Variants in SEC16A observed in about 807,000 individuals in gnomAD.
SEC16A encodes the protein SEC16 homolog A, endoplasmic reticulum export factor, also known as protein transport protein Sec16A.
A neutral mutation model predicts 221.9 loss-of-function variants in SEC16A; 110 were observed. The observed-to-expected ratio is 0.50, with a 90% CI of 0.42 to 0.58. The LOEUF is 0.58. Among genes scored for constraint, SEC16A ranks in the 20% least tolerant of loss-of-function variants. The pLI, the probability that SEC16A is intolerant of heterozygous loss-of-function variation, is 0.00. For missense variants in SEC16A, 3,165 were observed against 3,097.8 expected, an observed-to-expected ratio of 1.02 and a Z score of -0.52; for synonymous variants, 1,393 against 1,257.7, an observed-to-expected ratio of 1.11 and a Z score of -2.28.
intron 31 of SEC16A, among the ~76,000 whole-genome samples, chr9:136,442,247 G>A (rs1002242260): frequency 6.6e-6 from 1 of 152,262 alleles, no homozygotes; most frequent in African/African-American, 2.4e-5. Context: ...GCCTCATGGA[G>A]GGGAAAGCCA....
Position 136,447,998 on chromosome 9 carries a change from G to A in SEC16A, c.6390+86C>T, listed in dbSNP as rs555519768. The stretch of plus-strand genomic sequence containing the variant: ...TAATGATGACACTTCAAAACTTCAG[G>A]AAACACCTACTCAGGTCTGCTCTGA... On this transcript the variant is annotated intron_variant, in intron 24 of 31. Coordinates refer to ENST00000684901, the MANE Select transcript of SEC16A (RefSeq NM_014866.2). The surrounding 1 kb of genome is among the most constrained non-coding windows in gnomAD (Gnocchi z 5.5). The A allele has an allele frequency of 2.4e-4, 368 of 1,518,642 alleles. 2 individuals carry two copies. In the African/African-American group the frequency reaches 4.6e-3, roughly 19 times the overall value. 94.1% of individuals were successfully genotyped at this position (1,518,642 alleles called of 1,614,324 possible). A position where few individuals can be genotyped will look rare whatever the true frequency, so the allele number is the denominator to read the frequency against.
Position 136,477,656 on chromosome 9 carries a change from A to G in SEC16A, c.-41T>C. The G allele has an allele frequency of 6.6e-7, 1 of 1,519,230 alleles. No individual in the cohort carries two copies. The highest frequency in any genetic ancestry group is 8.8e-7 in the Non-Finnish European group (1 of 1,137,678). 94.1% of individuals were successfully genotyped at this position (1,519,230 alleles called of 1,614,324 possible). A position where few individuals can be genotyped will look rare whatever the true frequency, so the allele number is the denominator to read the frequency against. On this transcript the variant is annotated 5_prime_UTR_variant, in exon 3 of 32. Transcript: ENST00000684901. Reference sequence around the variant, plus strand: ...CAAGTCGATGCTGCTTACAGAAGGAAGCAGGATATAGCTGTTCCTTAATTG... The same window carrying G: ...CAAGTCGATGCTGCTTACAGAAGGAGGCAGGATATAGCTGTTCCTTAATTG...
At chr9:136,458,073 C>G (rs1049211114) in intron 17 of SEC16A, among the ~76,000 whole-genome samples, 2 of 152,106 alleles carry the variant, frequency 1.3e-5, no homozygotes, top group Non-Finnish European at 2.9e-5. Flanking sequence ...CCTCCCACCT[C>G]AGCCTCCGAG....
chr9:136,477,763 A>G, intron 2 of SEC16A, 79 bp from the exon 3 acceptor site: 1 of 1,330,812 alleles, frequency 7.5e-7, no homozygotes, highest in Non-Finnish European at 9.9e-7. Flanking sequence ...CTAAGGAAAA[A>G]GAGAAACATT....
rs945818075 is a variant in SEC16A, at chr9:136,455,467, G to A, written c.5857+134C>T. ...GAGACCGAGGAGCCCCACAACCACCGAGGTGGTGTGAGACACTGCCTCCAA... is the reference window on the plus strand; with the variant it reads ...GAGACCGAGGAGCCCCACAACCACCAAGGTGGTGTGAGACACTGCCTCCAA... On this transcript the variant is annotated intron_variant, in intron 20 of 31. Transcript: ENST00000684901. 388 of 807,498 alleles carry A rather than the reference G, an allele frequency of 4.8e-4. 2 individuals are homozygous for A. The highest frequency in any genetic ancestry group is 3.2e-4 in the Non-Finnish European group (169 of 529,562). The allele number at this position is 807,498 out of a possible 1,614,324, so 50.0% of individuals were successfully genotyped here.
At chr9:136,461,570 C>A (rs992525616) in intron 12 of SEC16A, among the ~76,000 whole-genome samples, 1 of 152,216 alleles carries the variant, frequency 6.6e-6, no homozygotes, top group Non-Finnish European at 1.5e-5. Context: ...CTGCCCACCA[C>A]GCCGCCCCAT....
intron 4 of SEC16A, among the ~76,000 whole-genome samples, chr9:136,471,739 C>T (rs533975416): frequency 4.6e-5 from 7 of 152,346 alleles, no homozygotes; most frequent in African/African-American, 9.6e-5. Flanking sequence ...GTAGGGGTGG[C>T]GCCAAATGCT....
chr9:136,448,602 G>A, intron 23 of SEC16A: 1 of 711,450 alleles, frequency 1.4e-6, no homozygotes, highest in Non-Finnish European at 2.6e-6. Context: ...ATGGAGGTGG[G>A]GAGCAGATCC....
chr9:136,447,665 G>T lies in SEC16A; in HGVS notation c.6463C>A (p.Pro2155Thr). 1 of 1,611,742 alleles carries T rather than the reference G, an allele frequency of 6.2e-7. No individual in the cohort carries two copies. Among genetic ancestry groups the T allele is most frequent in the Middle Eastern group, 1.7e-4 (1 of 6,052 alleles). The change falls in exon 26 of 32, where the codon CCA (proline) becomes ACA (threonine). Residue 2155 changes from proline (P) to threonine (T), a missense_variant. Physicochemically the swap from Pro to Thr is conservative, Grantham distance 38. This residue lies in a region of SEC16A where 1,088 missense variants were observed against 1,089.6 expected (regional missense o/e 1.00). Transcript: ENST00000684901. This position sits in a 1 kb window ranked among gnomAD's most constrained non-coding sequence, Gnocchi z 5.5. ...EPEEEKKAPP[P>T]PPTSMPKTVQ... is the part of the protein sequence containing the mutation. ...GTCTTGGGCATCGAGGTTGGAGGTGGGGGCGGGGCTTTCTTCTGCAGAGGG... is the reference window on the plus strand; with the variant it reads ...GTCTTGGGCATCGAGGTTGGAGGTGTGGGCGGGGCTTTCTTCTGCAGAGGG...
chr9:136,455,869 G>T, intron 19 of SEC16A, 76 bp from the exon 20 acceptor site: 1 of 1,416,752 alleles, frequency 7.1e-7, no homozygotes, highest in Non-Finnish European at 9.6e-7. Flanking sequence ...CCACCACCGC[G>T]CTTGCTGTGT....
intron 20 of SEC16A, among the ~76,000 whole-genome samples, chr9:136,455,344 G>C (rs1468946013): frequency 6.6e-6 from 1 of 152,166 alleles, no homozygotes. Flanking sequence ...GGGCGCTCAG[G>C]GCAGTGTCGC....
intron 21 of SEC16A, among the ~76,000 whole-genome samples, chr9:136,453,736 A>G (rs940934006): frequency 2.0e-5 from 3 of 152,242 alleles, no homozygotes; most frequent in Non-Finnish European, 2.9e-5. Flanking sequence ...AGACATAGGC[A>G]CAGACCAGGG....
chr9:136,454,136 G>A lies in SEC16A; in HGVS notation c.6049C>T (p.Leu2017Phe). The change falls in exon 21 of 32, where the codon CTC becomes TTC. Residue 2017 changes from leucine (L) to phenylalanine (F), a missense_variant. By Grantham distance (22) the Leu-to-Phe change is conservative (BLOSUM62 0). Coordinates refer to ENST00000684901, the MANE Select transcript of SEC16A (RefSeq NM_014866.2). ...VPPLQERRHL[L>F]QEARSPDPGI... is the part of the protein sequence containing the mutation. ...GGGTCTGGGCTCCTGGCTTCCTGGA[G>A]CAAGTGTCTCCTTTCCTGCAGAGGT... 7 of 1,552,962 alleles carry A rather than the reference G, an allele frequency of 4.5e-6. No individual in the cohort carries two copies. The highest frequency in any genetic ancestry group is 5.2e-6 in the Non-Finnish European group (6 of 1,148,136).
intron 23 of SEC16A, among the ~76,000 whole-genome samples, chr9:136,449,683 A>G (rs909644354): frequency 6.6e-6 from 1 of 152,220 alleles, no homozygotes. Flanking sequence ...CTCAGCAGCT[A>G]CTACACACCC....
In SEC16A at chr9:136,475,723, C is replaced by T. The variant is rs1216956424; in HGVS notation, c.1893G>A (p.Val631=). 1 of 1,611,752 alleles carries T rather than the reference C, an allele frequency of 6.2e-7. No individual in the cohort carries two copies. The highest frequency in any genetic ancestry group is 1.7e-5 in the Admixed American group (1 of 59,570). The change falls in exon 3 of 32, where the codon GTG becomes GTA. Residue 631 remains valine (V), a synonymous_variant. Transcript: ENST00000684901. This position sits in a 1 kb window ranked among gnomAD's most constrained non-coding sequence, Gnocchi z 5.0. The part of the protein sequence containing the change: ...VKPFEADRAN[V]VGEVRETCVR... Reference sequence around the variant, plus strand: ...CACAGGTCTCCCTTACTTCACCAACCACGTTGGCGCGATCTGCCTCAAATG... The same window carrying T: ...CACAGGTCTCCCTTACTTCACCAACTACGTTGGCGCGATCTGCCTCAAATG...
chr9:136,454,678 C>T (rs1032631420), intron 20 of SEC16A, among the ~76,000 whole-genome samples: 4 of 152,232 alleles, frequency 2.6e-5, no homozygotes, highest in Admixed American at 6.5e-5. Context: ...ACAGGCCACT[C>T]GTTCATTCCT....
At chr9:136,468,892 T>C (rs1206965339) in intron 4 of SEC16A, among the ~76,000 whole-genome samples, 2 of 152,124 alleles carry the variant, frequency 1.3e-5, no homozygotes, top group Non-Finnish European at 2.9e-5. Flanking sequence ...CTCTGTCGCA[T>C]AGGCTGGAGT....
At chr9:136,454,404 G>C (rs1196449778) in intron 20 of SEC16A, 77 bp from the exon 21 acceptor site, 2 of 1,308,198 alleles carry the variant, frequency 1.5e-6, no homozygotes, top group African/African-American at 2.9e-5. Context: ...GACACTCGAC[G>C]TGTTTATGAC....
chr9:136,453,570 G>C lies in SEC16A; in HGVS notation c.6077-60C>G, dbSNP rs766386413. On this transcript the variant is annotated intron_variant, in intron 21 of 31. Coordinates refer to ENST00000684901, the MANE Select transcript of SEC16A (RefSeq NM_014866.2). ...TCACGAGAAGGCGGGACGTGTGTGT[G>C]GCGCACAGATCAACAGGCACACCAC... The C allele has an allele frequency of 2.9e-6, 4 of 1,385,704 alleles. No homozygotes were observed. The African/African-American group carries it at 5.7e-5, about 20-fold the overall frequency. The allele number at this position is 1,385,704 out of a possible 1,614,324, so 85.8% of individuals were successfully genotyped here.
Sources: allele counts gnomAD v4.1 joint callset (sites outside exome capture counted in the v4.1 genomes callset), GRCh38; gene constraint gnomAD v4.1.1; regional missense constraint gnomAD v4.1.1; non-coding constraint Gnocchi (gnomAD v3.1); transcripts MANE v1.5; gene names NCBI Gene and HGNC (gene_info 2026-07-23, HGNC 2026-07-21).